CD96: variants seen among roughly 807,000 people sequenced by gnomAD.
CD96 encodes the protein CD96 molecule, also known as T-cell surface protein tactile.
A neutral mutation model predicts 71.3 loss-of-function variants in CD96; 70 were observed. The ratio of observed to expected loss-of-function variants is 0.98; its 90% confidence interval spans 0.81 to 1.20. CD96 has a LOEUF of 1.20. Among genes scored for constraint, CD96 ranks in the 50% most tolerant of loss-of-function variants. The pLI is 0.00. For synonymous variants in CD96, 248 were observed against 233.0 expected, an observed-to-expected ratio of 1.06 and a Z score of -0.59; for missense variants, 742 against 677.5, an observed-to-expected ratio of 1.10 and a Z score of -1.06.
At chr3:111,567,022 A>G (rs1935745489) in intron 2 of CD96, among the ~76,000 whole-genome samples, 1 of 152,124 alleles carries the variant, frequency 6.6e-6, no homozygotes, top group East Asian at 1.9e-4. Flanking sequence ...AATTGTAACA[A>G]ATGTACCGCT....
intron 2 of CD96, 45 bp from the exon 3 acceptor site, chr3:111,567,478 A>C: frequency 6.4e-7 from 1 of 1,564,978 alleles, no homozygotes; most frequent in South Asian, 1.1e-5. Context: ...CACTTTACAA[A>C]CCAATCAGAG....
intron 12 of CD96, among the ~76,000 whole-genome samples, chr3:111,646,304 G>C (rs1400096901): frequency 6.6e-6 from 1 of 152,106 alleles, no homozygotes; most frequent in Non-Finnish European, 1.5e-5. Context: ...AAATCTCTGT[G>C]TGGTGATATG....
At chr3:111,607,696 G>A (rs2107668285) in intron 8 of CD96, among the ~76,000 whole-genome samples, 1 of 152,322 alleles carries the variant, frequency 6.6e-6, no homozygotes, top group Middle Eastern at 3.4e-3. Context: ...CCTTTGGCAT[G>A]TAGCCTGCAG....
Position 111,637,222 on chromosome 3 carries a change from T to C in CD96, c.1348T>C (p.Tyr450His). The change falls in exon 11 of 14, where the codon TAC becomes CAC. Residue 450 changes from tyrosine to histidine, a missense_variant. Coordinates refer to ENST00000352690, the MANE Select transcript of CD96 (RefSeq NM_005816.5). ...KSVSRIPSET[Y>H]SSSPSGAGST... ...AGTTTCACGGATACCTAGTGAAACA[T>C]ACAGTTCATCCCCGTCAGGTGCAGG... 4 of 1,592,564 alleles carry C rather than the reference T, an allele frequency of 2.5e-6. 1 individual carries two copies. In the South Asian group the frequency reaches 4.4e-5, roughly 18 times the overall value.
At chr3:111,648,099 T>C (rs1458292958) in intron 13 of CD96, among the ~76,000 whole-genome samples, 2 of 151,616 alleles carry the variant, frequency 1.3e-5, no homozygotes, top group African/African-American at 2.4e-5. Context: ...CTGCTTTTTT[T>C]ACCAGAGTGG....
intron 1 of CD96, among the ~76,000 whole-genome samples, chr3:111,544,486 C>T (rs763063620): frequency 2.8e-4 from 42 of 152,074 alleles, no homozygotes; most frequent in Non-Finnish European, 4.6e-4. Flanking sequence ...CTCTGTGGCC[C>T]AGTTTCTTCC....
At chr3:111,615,739 G>A (rs922496842) in intron 8 of CD96, among the ~76,000 whole-genome samples, 4 of 152,194 alleles carry the variant, frequency 2.6e-5, no homozygotes, top group African/African-American at 9.7e-5. Flanking sequence ...AACATCTAGT[G>A]AGGGGAGGAG....
Position 111,568,715 on chromosome 3 carries a change from G to T in CD96, c.543+1068G>T, listed in dbSNP as rs79508786. ...AAATTTAATCTTAAAAACTAAAATT[G>T]AGCTTTTTCTCATAACACGTAAACA... On this transcript the variant is annotated intron_variant, in intron 3 of 13. Transcript: ENST00000352690. 9.6e-3 allele frequency among the ~76,000 whole-genome samples: 1,459 copies of T among 152,134 alleles called. 11 individuals carry two copies. Among genetic ancestry groups the T allele is most frequent in the South Asian group, 0.014 (66 of 4,806 alleles).
chr3:111,656,760 G>C (rs1481331139), downstream of CD96, among the ~76,000 whole-genome samples: 1 of 152,070 alleles, frequency 6.6e-6, no homozygotes, highest in Non-Finnish European at 1.5e-5. Context: ...GAAGTACAAA[G>C]AGCATGTAAT....
chr3:111,626,157 C>T (rs1443935146), intron 10 of CD96, among the ~76,000 whole-genome samples: 1 of 151,702 alleles, frequency 6.6e-6, no homozygotes, highest in Non-Finnish European at 1.5e-5. Flanking sequence ...AAAAATTAGC[C>T]AGGCGTGGTG....
intron 14 of CD96, among the ~76,000 whole-genome samples, chr3:111,659,392 T>G (rs1460256934): frequency 1.3e-5 from 2 of 152,186 alleles, no homozygotes; most frequent in African/African-American, 4.8e-5. Context: ...TAATTATTTT[T>G]TTACTTCTGT....
At chr3:111,628,185 A>C (rs1938873388) in intron 10 of CD96, among the ~76,000 whole-genome samples, 1 of 152,242 alleles carries the variant, frequency 6.6e-6, no homozygotes, top group Non-Finnish European at 1.5e-5. Flanking sequence ...GAGATCACTG[A>C]AATGACAGAA....
Position 111,548,656 on chromosome 3 carries a change from G to A in CD96, c.418+3254G>A, listed in dbSNP as rs150762002. On this transcript the variant is annotated intron_variant, in intron 2 of 13. Transcript: ENST00000352690. ...AGTATAACATGGCTTTAATTTACTA[G>A]TTCACAGTAAATGCCTTGGTGGGCT... Among the ~76,000 whole-genome samples the A allele has an allele frequency of 6.6e-5, 10 of 152,272 alleles. No homozygotes were observed. In the East Asian group the frequency reaches 1.5e-3, roughly 23 times the overall value.
At chr3:111,614,051 T>C (rs1938095994) in intron 8 of CD96, among the ~76,000 whole-genome samples, 1 of 152,220 alleles carries the variant, frequency 6.6e-6, no homozygotes, top group South Asian at 2.1e-4. Context: ...GTGATTTCCA[T>C]ATAATAAATG....
intron 5 of CD96, among the ~76,000 whole-genome samples, chr3:111,586,909 C>G (rs1406995823): frequency 6.6e-6 from 1 of 152,154 alleles, no homozygotes; most frequent in African/African-American, 2.4e-5. Context: ...TCATTCCTTT[C>G]CAACAGTCCC....
At chr3:111,664,187 T>A (rs928545252) in intron 14 of CD96, among the ~76,000 whole-genome samples, 1 of 54,568 alleles carries the variant, frequency 1.8e-5, no homozygotes. Context: ...AAATAAATTA[T>A]ACTACCAAAA....
chr3:111,596,091 G>C (rs922993451), intron 5 of CD96, among the ~76,000 whole-genome samples: 4 of 151,972 alleles, frequency 2.6e-5, no homozygotes, highest in African/African-American at 9.7e-5. Flanking sequence ...GAACCCGGGA[G>C]GTGGAGGTTG....
At chr3:111,601,192 A>G (rs1191510210) in intron 7 of CD96, among the ~76,000 whole-genome samples, 1 of 152,062 alleles carries the variant, frequency 6.6e-6, no homozygotes, top group Admixed American at 6.6e-5. Context: ...CATAACTCTT[A>G]ATTAGTTAGC....
chr3:111,577,468 C>T, intron 3 of CD96: 1 of 1,509,710 alleles, frequency 6.6e-7, no homozygotes, highest in Non-Finnish European at 9.2e-7. Context: ...GTAATACAGT[C>T]TTTCTCCCTT....
Sources: allele counts gnomAD v4.1 joint callset (sites outside exome capture counted in the v4.1 genomes callset), GRCh38; gene constraint gnomAD v4.1.1; transcripts MANE v1.5; gene names NCBI Gene and HGNC (gene_info 2026-07-23, HGNC 2026-07-21).